The following CLCN6 variants were observed in gnomAD, a reference collection of about 807,000 sequenced individuals.
CLCN6 encodes the protein Cl-/H+ antiporter 6, also known as H(+)/Cl(-) exchange transporter 6.
In CLCN6, 70 loss-of-function variants were observed where a neutral mutation model predicts 109.8. That is an observed-to-expected ratio of 0.64 (90% CI 0.53 to 0.78). The LOEUF (loss-of-function observed/expected upper bound fraction) is 0.78. CLCN6 is among the 30% of genes least tolerant of loss of function. The probability of loss-of-function intolerance (pLI) is 0.00; values close to 1 mark genes in which losing one functional copy is unlikely to be tolerated. For synonymous variants in CLCN6, 444 were observed against 447.8 expected (o/e 0.99, Z 0.11); for missense variants, 984 against 1,142.3 (o/e 0.86, Z 2.00).
At chr1:11,838,764 G>C (rs748771368) in intron 22 of CLCN6, 104 bp downstream of exon 22, 2 of 1,530,480 alleles carry the variant, frequency 1.3e-6, no homozygotes, top group South Asian at 1.1e-5. Flanking sequence ...CATCCCACCA[G>C]GAGGGGAGAG....
chr1:11,834,086 GTGTA>G lies in CLCN6; in HGVS notation c.1526+59_1526+62del. 5 of 1,600,484 alleles carry G rather than the reference GTGTA, an allele frequency of 3.1e-6. No individual in the cohort carries two copies. The highest frequency in any genetic ancestry group is 3.4e-6 in the Non-Finnish European group (4 of 1,173,482). On this transcript the variant is annotated intron_variant, in intron 15 of 22. Coordinates refer to ENST00000346436, the MANE Select transcript of CLCN6 (RefSeq NM_001286.5). This position sits in a 1 kb window ranked among gnomAD's most constrained non-coding sequence, Gnocchi z 4.5. ...TGTGCATGTGTGTGCACGTGTGCGT[GTGTA>G]TGCATGTGTGTGCGTGTGCGTGCGT...
At chr1:11,819,359 A>G (rs1570522829) in intron 4 of CLCN6, 129 bp from the exon 5 acceptor site, 4 of 810,412 alleles carry the variant, frequency 4.9e-6, no homozygotes, top group Non-Finnish European at 8.7e-6. Context: ...GCATTCACGT[A>G]CTGCTGGCTG....
At chr1:11,809,750 G>A (rs1490152376) in intron 2 of CLCN6, among the ~76,000 whole-genome samples, 5 of 152,290 alleles carry the variant, frequency 3.3e-5, no homozygotes, top group East Asian at 1.9e-4. Context: ...GAGCCACCAC[G>A]CGTGGCCATA....
intron 11 of CLCN6, 78 bp downstream of exon 11, chr1:11,828,297 T>C (rs1644837785): frequency 1.4e-6 from 2 of 1,458,010 alleles, no homozygotes; most frequent in African/African-American, 2.8e-5. Context: ...CAGAGAGAAA[T>C]GAGCAGAGGG....
rs767943876 is a variant in CLCN6, at chr1:11,806,332, C to T, written c.70C>T (p.Arg24Cys). 7.3e-6 allele frequency: 11 copies of T among 1,515,768 alleles called. No homozygotes were observed. The highest frequency in any genetic ancestry group is 2.6e-5 in the Admixed American group (1 of 38,296). The allele number at this position is 1,515,768 out of a possible 1,614,324, so 93.9% of individuals were successfully genotyped here. ...CTGCTGCTGCGGTGAGCGTGAGACC[C>T]GCACCCCCGAGGAGCTGGTAAGAAG... Reference protein sequence around the residue: ...WCCCCGERETRTPEELTILGE... With the variant: ...WCCCCGERETCTPEELTILGE... The change falls in exon 1 of 23, where the codon CGC becomes TGC. Residue 24 changes from arginine to cysteine, a missense_variant. By Grantham distance (180) the Arg-to-Cys change is radical (BLOSUM62 -3). Coordinates refer to ENST00000346436, the MANE Select transcript of CLCN6 (RefSeq NM_001286.5).
intron 2 of CLCN6, among the ~76,000 whole-genome samples, chr1:11,812,742 AAT>A (rs1167917295): frequency 6.9e-6 from 1 of 143,892 alleles, no homozygotes; most frequent in Non-Finnish European, 1.5e-5. Flanking sequence ...GATACCTGGA[AAT>A]ATGGTGCTTT....
intron 10 of CLCN6, among the ~76,000 whole-genome samples, chr1:11,827,512 T>C (rs1175339790): frequency 6.7e-6 from 1 of 148,416 alleles, no homozygotes; most frequent in African/African-American, 2.5e-5. Flanking sequence ...CTCGGCTTAC[T>C]GCAGCCTCTG....
rs959222949 is a variant in CLCN6 at position 11,834,741 on chromosome 1, A to G, written c.1793+151A>G. 2.7e-6 allele frequency: 2 copies of G among 739,932 alleles called. No homozygotes were observed. Among genetic ancestry groups the G allele is most frequent in the Non-Finnish European group, 4.5e-6 (2 of 447,048 alleles). The allele number at this position is 739,932 out of a possible 1,614,324, so 45.8% of individuals were successfully genotyped here. A position where few individuals can be genotyped will look rare whatever the true frequency, so the allele number is the denominator to read the frequency against. On this transcript the variant is annotated intron_variant, in intron 17 of 22. Coordinates refer to ENST00000346436, the MANE Select transcript of CLCN6 (RefSeq NM_001286.5). This position sits in a 1 kb window ranked among gnomAD's most constrained non-coding sequence, Gnocchi z 4.5. The stretch of plus-strand genomic sequence containing the variant: ...TTCCTGAGCATGTGTGAGAATGTGG[A>G]GCAGCCCATGGGCTGGGGGCTGCGG...
intron 12 of CLCN6, among the ~76,000 whole-genome samples, 175 bp from the exon 13 acceptor site, chr1:11,829,021 A>G (rs1238886941): frequency 6.6e-6 from 1 of 152,178 alleles, no homozygotes; most frequent in Non-Finnish European, 1.5e-5. Context: ...TTTACAAACA[A>G]ATTGCTGGAA....
chr1:11,824,377 A>G lies in CLCN6; in HGVS notation c.581-109A>G, dbSNP rs550191495. 26 of 769,254 alleles carry G rather than the reference A, an allele frequency of 3.4e-5. No homozygotes were observed. In the South Asian group the frequency reaches 3.9e-4, roughly 11 times the overall value. 47.7% of individuals were successfully genotyped at this position (769,254 alleles called of 1,614,324 possible). ...TTGGCTCTTTCTCTTATAAAGTCTT[A>G]GGATCATCTCTGTTCAGTTGTCACG... On this transcript the variant is annotated intron_variant, in intron 7 of 22. Transcript: ENST00000346436.
At chr1:11,838,708 A>G (rs376744031) in intron 22 of CLCN6, 48 bp downstream of exon 22, 47 of 1,613,934 alleles carry the variant, frequency 2.9e-5, no homozygotes, top group Non-Finnish European at 3.8e-5. Flanking sequence ...AGGATCCCCT[A>G]GCCAGGTGCT....
Position 11,815,926 on chromosome 1 carries a change from T to A in CLCN6, c.213+15T>A. 1 of 1,589,098 alleles carries A rather than the reference T, an allele frequency of 6.3e-7. No homozygotes were observed. The highest frequency in any genetic ancestry group is 8.6e-7 in the Non-Finnish European group (1 of 1,157,138). On this transcript the variant is annotated intron_variant, in intron 3 of 22. Transcript: ENST00000346436. ...TGGATAATAAGGTGGGTCTTACAAT[T>A]CTTCATCTCTGGGGATCAAATCAGT...
At chr1:11,830,837 T>TTGTG (rs1644875353) in intron 13 of CLCN6, among the ~76,000 whole-genome samples, 1 of 146,722 alleles carries the variant, frequency 6.8e-6, no homozygotes, top group African/African-American at 2.5e-5. Flanking sequence ...ATATTTCTGT[T>TTGTG]TGTTTTGTTT....
rs567044676 is a variant in CLCN6, at chr1:11,842,130, C to G, written c.*1907C>G. 6.6e-6 allele frequency: 1 copy of G among 152,182 alleles called. No individual in the cohort carries two copies. The allele number at this position is 152,182 out of a possible 1,614,324, so 9.4% of individuals were successfully genotyped here. Reference sequence around the variant, plus strand: ...CTGTCACAGACACTTTGTCCCCTCTCCCCGCCCCTTCCTGGAGCTGGCAGA... The same window carrying G: ...CTGTCACAGACACTTTGTCCCCTCTGCCCGCCCCTTCCTGGAGCTGGCAGA... On this transcript the variant is annotated 3_prime_UTR_variant, in exon 23 of 23. Coordinates refer to ENST00000346436, the MANE Select transcript of CLCN6 (RefSeq NM_001286.5).
chr1:11,836,662 G>A (rs919043187), intron 18 of CLCN6, among the ~76,000 whole-genome samples: 1 of 152,108 alleles, frequency 6.6e-6, no homozygotes, highest in Non-Finnish European at 1.5e-5. Flanking sequence ...GGGGTATCCT[G>A]TTGCCTCACT....
At chr1:11,811,724 G>A (rs1182040781) in intron 2 of CLCN6, among the ~76,000 whole-genome samples, 1 of 152,120 alleles carries the variant, frequency 6.6e-6, no homozygotes, top group Non-Finnish European at 1.5e-5. Context: ...CACCTGAGAG[G>A]AAACCCTGCA....
At position 11,840,310 on chromosome 1, in the gene CLCN6, G is replaced by A. The variant is rs1359551900; in HGVS notation, c.*87G>A. 1.7e-6 allele frequency: 2 copies of A among 1,181,620 alleles called. No individual in the cohort carries two copies. Among genetic ancestry groups the A allele is most frequent in the Non-Finnish European group, 2.5e-6 (2 of 798,190 alleles). 73.2% of individuals were successfully genotyped at this position (1,181,620 alleles called of 1,614,324 possible). On this transcript the variant is annotated 3_prime_UTR_variant, in exon 23 of 23. Coordinates refer to ENST00000346436, the MANE Select transcript of CLCN6 (RefSeq NM_001286.5). Reference sequence around the variant, plus strand: ...CACAGCTGGCTGGGGCTGTTCCGGGGCATGGAAGATTCCCAGTCACCCACT... The same window carrying A: ...CACAGCTGGCTGGGGCTGTTCCGGGACATGGAAGATTCCCAGTCACCCACT...
chr1:11,808,373 CATG>C (rs1644552304), intron 2 of CLCN6, among the ~76,000 whole-genome samples: 1 of 151,970 alleles, frequency 6.6e-6, no homozygotes, highest in South Asian at 2.1e-4. Context: ...GGATTACAGT[CATG>C]ATCTACCATA....
chr1:11,824,804 A>C (rs2100634658), intron 8 of CLCN6, among the ~76,000 whole-genome samples: 1 of 152,278 alleles, frequency 6.6e-6, no homozygotes, highest in Non-Finnish European at 1.5e-5. Flanking sequence ...GATGAAAGTC[A>C]CTGGGTGCTT....
Sources: gnomAD v4.1 joint callset for allele counts (sites outside exome capture counted in the v4.1 genomes callset) on GRCh38, gnomAD v4.1.1 for gene constraint, Gnocchi (gnomAD v3.1) non-coding constraint, MANE v1.5 for transcripts, NCBI Gene and HGNC (gene_info 2026-07-23, HGNC 2026-07-21) for gene names.